Variants in TBL3 observed in about 807,000 individuals in gnomAD.
TBL3 encodes transducin beta like 3.
A neutral mutation model predicts 102.7 loss-of-function variants in TBL3; 71 were observed. That is an observed-to-expected ratio of 0.69 (90% CI 0.57 to 0.84). The LOEUF (loss-of-function observed/expected upper bound fraction) is 0.84, where lower values mean the gene tolerates loss of function less well. TBL3 is among the 40% of genes least tolerant of loss of function. The probability of loss-of-function intolerance (pLI) is 0.00; values close to 1 mark genes in which losing one functional copy is unlikely to be tolerated. For synonymous variants in TBL3, 578 were observed against 477.7 expected, an observed-to-expected ratio of 1.21 and a Z score of -2.74; for missense variants, 1,188 against 1,098.5, an observed-to-expected ratio of 1.08 and a Z score of -1.15.
Position 1,975,904 on chromosome 16 carries a change from T to C in TBL3, c.1084T>C (p.Phe362Leu). 1 of 1,614,102 alleles carries C rather than the reference T, an allele frequency of 6.2e-7. No individual in the cohort carries two copies. Among genetic ancestry groups the C allele is most frequent in the Non-Finnish European group, 8.5e-7 (1 of 1,180,028 alleles). ...VASNSPCLKV[F>L]ELQTSACQIL... ...CTCCAATAGCCCCTGCCTAAAAGTGTTTGAGCTGCAGACGTCAGCCTGCCA... is the reference window on the plus strand; with the variant it reads ...CTCCAATAGCCCCTGCCTAAAAGTGCTTGAGCTGCAGACGTCAGCCTGCCA... The change falls in exon 11 of 22, where the codon TTT becomes CTT. Residue 362 changes from phenylalanine (F) to leucine (L), a missense_variant. Physicochemically the swap from Phe to Leu is conservative, Grantham distance 22. Transcript: ENST00000568546.
intron 20 of TBL3, 41 bp from the exon 21 acceptor site, chr16:1,978,272 A>G: frequency 1.9e-6 from 3 of 1,611,902 alleles, no homozygotes; most frequent in Non-Finnish European, 1.7e-6. Context: ...CAGTCATGGC[A>G]GATTGGCTGG....
Position 1,979,403 on chromosome 16 carries a change from G to T in TBL3, c.*718G>T. The T allele has an allele frequency of 1.2e-6, 2 of 1,601,946 alleles. No homozygotes were observed. On this transcript the variant is annotated 3_prime_UTR_variant, in exon 22 of 22. Coordinates refer to ENST00000568546, the MANE Select transcript of TBL3 (RefSeq NM_006453.3). Reference sequence around the variant, plus strand: ...CCGCCCGCCTCGGCTAGCCTGCCCTGCCCACGCCCGCTCCCGCGTACCTGC... The same window carrying T: ...CCGCCCGCCTCGGCTAGCCTGCCCTTCCCACGCCCGCTCCCGCGTACCTGC...
intron 18 of TBL3, 33 bp downstream of exon 18, chr16:1,977,833 T>G: frequency 6.4e-7 from 1 of 1,563,538 alleles, no homozygotes; most frequent in Non-Finnish European, 8.7e-7. Flanking sequence ...CCTCCCCGCA[T>G]CAGCCCTGCT....
Position 1,977,086 on chromosome 16 carries a change from C to A in TBL3, c.1473C>A (p.Asp491Glu), listed in dbSNP as rs759489314. The A allele has an allele frequency of 1.2e-6, 2 of 1,613,262 alleles. No homozygotes were observed. The highest frequency in any genetic ancestry group is 2.2e-5 in the South Asian group (2 of 91,078). Residue 491 changes from aspartate (D) to glutamate (E), a missense_variant, in exon 15 of 22, where the codon GAC (aspartate) becomes GAA (glutamate). Coordinates refer to ENST00000568546, the MANE Select transcript of TBL3 (RefSeq NM_006453.3). ...DINSVAIAPN[D>E]KLLATGSQDR... ...ACAGCGTGGCTATTGCCCCCAACGA[C>A]AAGCTGCTGGCCACAGGCTCACAGG...
rs2083385428 is a variant in TBL3 at position 1,974,672 on chromosome 16, A to G, written c.372A>G (p.Leu124=). ...CCTTCGACCCCACCTCCACTCTGCT[A>G]GCCACAGGTAGGGCCCTGCCGTGCA... The part of the protein sequence containing the change: ...TMAFDPTSTL[L]ATGGCDGAVR... Residue 124 remains leucine, a synonymous_variant, in exon 5 of 22, where the codon CTA becomes CTG. Coordinates refer to ENST00000568546, the MANE Select transcript of TBL3 (RefSeq NM_006453.3). The G allele has an allele frequency of 6.2e-7, 1 of 1,609,732 alleles. No homozygotes were observed. Among genetic ancestry groups the G allele is most frequent in the Non-Finnish European group, 8.5e-7 (1 of 1,177,472 alleles).
Position 1,980,732 on chromosome 16 carries a change from C to A in TBL3, c.*2047C>A. 1 of 1,596,468 alleles carries A rather than the reference C, an allele frequency of 6.3e-7. No homozygotes were observed. The highest frequency in any genetic ancestry group is 2.3e-5 in the East Asian group (1 of 44,280). On this transcript the variant is annotated 3_prime_UTR_variant, in exon 22 of 22. Transcript: ENST00000568546. ...CCGGGAAGGTCTCCTTGAGGGTCTT[C>A]TGAGGGCGGGAACCAGGGCATTGGT... is the stretch of plus-strand genomic sequence containing the variant.
At position 1,975,680 on chromosome 16, in the gene TBL3, C is replaced by A. The variant is rs148031957; in HGVS notation, c.957C>A (p.Tyr319Ter). ...TATADHNLLL[Y>*]EARSLRLQKQ... ...CCGCCGACCACAACCTGTTGCTCTA[C>A]GAGGCTCGCTCCCTGCGGCTGCAGA... The change falls in exon 10 of 22, where the codon TAC becomes TAA. Residue 319 changes from tyrosine (Y) to a stop codon, truncating the protein, a stop_gained. Transcript: ENST00000568546. LOFTEE classifies it high-confidence loss of function. 2 of 1,610,588 alleles carry A rather than the reference C, an allele frequency of 1.2e-6. No individual in the cohort carries two copies. The highest frequency in any genetic ancestry group is 2.2e-5 in the South Asian group (2 of 91,034).
In TBL3 at chr16:1,980,714, G is replaced by T; in HGVS notation, c.*2029G>T. 6.2e-7 allele frequency: 1 copy of T among 1,604,730 alleles called. No homozygotes were observed. The highest frequency in any genetic ancestry group is 8.5e-7 in the Non-Finnish European group (1 of 1,175,978). On this transcript the variant is annotated 3_prime_UTR_variant, in exon 22 of 22. Coordinates refer to ENST00000568546, the MANE Select transcript of TBL3 (RefSeq NM_006453.3). The stretch of plus-strand genomic sequence containing the variant: ...GCAGCAGGCCCGCCTCCACCGGGAA[G>T]GTCTCCTTGAGGGTCTTCTGAGGGC...
chr16:1,979,380 G>A lies in TBL3; in HGVS notation c.*695G>A, dbSNP rs965965755. On this transcript the variant is annotated 3_prime_UTR_variant, in exon 22 of 22. Coordinates refer to ENST00000568546, the MANE Select transcript of TBL3 (RefSeq NM_006453.3). Reference sequence around the variant, plus strand: ...AGGGGCGGGGTGTGGTTAGGGCCCCGCCCGCCTCGGCTAGCCTGCCCTGCC... The same window carrying A: ...AGGGGCGGGGTGTGGTTAGGGCCCCACCCGCCTCGGCTAGCCTGCCCTGCC... 8 of 1,589,760 alleles carry A rather than the reference G, an allele frequency of 5.0e-6. No individual in the cohort carries two copies. The African/African-American group carries it at 8.1e-5, about 16-fold the overall frequency.
In TBL3 at chr16:1,972,180, GCCGGAGTGGGCCGCTTCAAGA is replaced by G; in HGVS notation, c.19_39del (p.Gly7_Thr13del). On this transcript the variant is annotated inframe_deletion, in exon 1 of 22. Coordinates refer to ENST00000568546, the MANE Select transcript of TBL3 (RefSeq NM_006453.3). ...CGGCGGCAACATGGCAGAGACCGCG[GCCGGAGTGGGCCGCTTCAAGA>G]CCAAGTGAGCCCGGAGCTCTGGGGC... The G allele has an allele frequency of 2.8e-6, 4 of 1,428,240 alleles. No homozygotes were observed. The highest frequency in any genetic ancestry group is 3.7e-6 in the Non-Finnish European group (4 of 1,088,476). 88.5% of individuals were successfully genotyped at this position (1,428,240 alleles called of 1,614,324 possible). A position where few individuals can be genotyped will look rare whatever the true frequency, so the allele number is the denominator to read the frequency against.
At position 1,981,298 on chromosome 16, in the gene TBL3, C is replaced by T; in HGVS notation, c.*2613C>T. ...CTGGGATAGAATCCTGGCAACACCTCAAGCCTGTGGGGTCCTTGTGGAGCC... is the reference window on the plus strand; with the variant it reads ...CTGGGATAGAATCCTGGCAACACCTTAAGCCTGTGGGGTCCTTGTGGAGCC... On this transcript the variant is annotated 3_prime_UTR_variant, in exon 22 of 22. Coordinates refer to ENST00000568546, the MANE Select transcript of TBL3 (RefSeq NM_006453.3). The T allele has an allele frequency of 6.7e-7, 1 of 1,495,432 alleles. No individual in the cohort carries two copies. The highest frequency in any genetic ancestry group is 1.3e-5 in the South Asian group (1 of 77,032). The allele number at this position is 1,495,432 out of a possible 1,614,324, so 92.6% of individuals were successfully genotyped here.
In TBL3 at chr16:1,980,920, G is replaced by C; in HGVS notation, c.*2235G>C. 6.2e-7 allele frequency: 1 copy of C among 1,608,390 alleles called. No individual in the cohort carries two copies. Among genetic ancestry groups the C allele is most frequent in the Non-Finnish European group, 8.5e-7 (1 of 1,176,570 alleles). On this transcript the variant is annotated 3_prime_UTR_variant, in exon 22 of 22. Coordinates refer to ENST00000568546, the MANE Select transcript of TBL3 (RefSeq NM_006453.3). ...GGGAAGCCGCCACCGCGGCATCAGG[G>C]TGGCCCAGGGTCACTCACCTTGAGC...
Position 1,979,220 on chromosome 16 carries a change from G to A in TBL3, c.*535G>A, listed in dbSNP as rs1381426238. The A allele has an allele frequency of 1.3e-6, 2 of 1,482,030 alleles. No homozygotes were observed. The highest frequency in any genetic ancestry group is 4.8e-5 in the Admixed American group (2 of 42,008). 91.8% of individuals were successfully genotyped at this position (1,482,030 alleles called of 1,614,324 possible). On this transcript the variant is annotated 3_prime_UTR_variant, in exon 22 of 22. Coordinates refer to ENST00000568546, the MANE Select transcript of TBL3 (RefSeq NM_006453.3). ...TGGGGGGAGGGGCGGTGGCCTGGGA[G>A]GGTTCAGGGAAGCCCCGGGCCTCAC...
Position 1,972,090 on chromosome 16 carries a change from G to A in TBL3, c.-75G>A. ...GAGTGTGGCGTTCTGTGAAGAGTTC[G>A]GTGCTAACCTCCCTCACGCGGCGGT... On this transcript the variant is annotated 5_prime_UTR_variant, in exon 1 of 22. Transcript: ENST00000568546. The A allele has an allele frequency of 7.1e-7, 1 of 1,409,246 alleles. No individual in the cohort carries two copies. Among genetic ancestry groups the A allele is most frequent in the Non-Finnish European group, 9.3e-7 (1 of 1,072,418 alleles). The allele number at this position is 1,409,246 out of a possible 1,614,324, so 87.3% of individuals were successfully genotyped here.
At chr16:1,976,006 T>C in intron 11 of TBL3, 50 bp from the exon 12 acceptor site, 1 of 1,614,096 alleles carries the variant, frequency 6.2e-7, no homozygotes, top group Non-Finnish European at 8.5e-7. Flanking sequence ...CTTGCTTGCT[T>C]CCCTTCCCCC....
At chr16:1,973,874 C>G (rs774911725) in intron 1 of TBL3, among the ~76,000 whole-genome samples, 182 bp from the exon 2 acceptor site, 1 of 152,214 alleles carries the variant, frequency 6.6e-6, no homozygotes, top group East Asian at 1.9e-4. Flanking sequence ...TTCTCAGTGA[C>G]GACGGTAGCT....
chr16:1,972,360 G>A (rs2083366982), intron 1 of TBL3, among the ~76,000 whole-genome samples, 155 bp downstream of exon 1: 1 of 152,224 alleles, frequency 6.6e-6, no homozygotes, highest in African/African-American at 2.4e-5. Flanking sequence ...GGTGATACTA[G>A]GCGGGAGAGC....
rs746852842 is a variant in TBL3, at chr16:1,979,884, G to A, written c.*1199G>A. On this transcript the variant is annotated 3_prime_UTR_variant, in exon 22 of 22. Transcript: ENST00000568546. ...GAAACCAGGCGGTCTGCCGGTCTTC[G>A]TTCTCCACCAGCCACCAGCCTGTGC... is the stretch of plus-strand genomic sequence containing the variant. The A allele has an allele frequency of 1.6e-5, 25 of 1,582,940 alleles. No individual in the cohort carries two copies. Among genetic ancestry groups the A allele is most frequent in the African/African-American group, 1.3e-4 (10 of 74,126 alleles).
At chr16:1,974,878 G>A (rs1440314363) in intron 6 of TBL3, 31 bp downstream of exon 6, 2 of 1,612,878 alleles carry the variant, frequency 1.2e-6, no homozygotes, top group Admixed American at 1.7e-5. Flanking sequence ...GGAGGGCAGA[G>A]GCACCACCCA....
Sources: gnomAD v4.1 joint callset for allele counts (sites outside exome capture counted in the v4.1 genomes callset) on GRCh38, gnomAD v4.1.1 for gene constraint, MANE v1.5 for transcripts, NCBI Gene and HGNC (gene_info 2026-07-23, HGNC 2026-07-21) for gene names.